The following NTM variants were observed in gnomAD, a reference collection of about 807,000 sequenced individuals.
NTM encodes the protein neurotrimin, also known as IgLON family member 2.
NTM carries 13 observed loss-of-function variants against 42.1 expected under a neutral mutation model. The ratio of observed to expected loss-of-function variants is 0.31; its 90% CI spans 0.20 to 0.49. The LOEUF (loss-of-function observed/expected upper bound fraction) is 0.49, where lower values mean the gene tolerates loss of function less well. Ranked by LOEUF, NTM falls within the 20% of genes least tolerant of loss-of-function variation. The probability of loss-of-function intolerance (pLI) is 0.99; values close to 1 mark genes in which losing one functional copy is unlikely to be tolerated. For synonymous variants in NTM, 187 were observed against 179.2 expected, an observed-to-expected ratio of 1.04 and a Z score of -0.35; for missense variants, 373 against 452.8, an observed-to-expected ratio of 0.82 and a Z score of 1.60.
chr11:131,779,992 A>G (rs955504491), intron 1 of NTM, among the ~76,000 whole-genome samples: 37 of 152,184 alleles, frequency 2.4e-4, no homozygotes, highest in African/African-American at 8.7e-4. Context: ...CCACTCCCCT[A>G]TATCAGAATC....
chr11:131,665,861 C>G (rs574089619), intron 1 of NTM, among the ~76,000 whole-genome samples: 40 of 152,300 alleles, frequency 2.6e-4, no homozygotes, highest in Admixed American at 8.5e-4. Context: ...CATGTTGATC[C>G]CCAGTTTCCT....
At chr11:131,378,427 AGGAAG>A (rs1942244539) in intron 1 of NTM, among the ~76,000 whole-genome samples, 1 of 152,246 alleles carries the variant, frequency 6.6e-6, no homozygotes, top group African/African-American at 2.4e-5. Flanking sequence ...CTCTGCCTGC[AGGAAG>A]GTAAGAATAT....
chr11:131,685,048 G>A (rs1218979664), intron 1 of NTM, among the ~76,000 whole-genome samples: 1 of 152,240 alleles, frequency 6.6e-6, no homozygotes, highest in African/African-American at 2.4e-5. Flanking sequence ...CTCAACCCAA[G>A]AATGAGCTTT....
intron 2 of NTM, among the ~76,000 whole-genome samples, chr11:132,129,918 G>A (rs1244783279): frequency 6.6e-6 from 1 of 152,020 alleles, no homozygotes; most frequent in Non-Finnish European, 1.5e-5. Flanking sequence ...GAGTTTTCTT[G>A]TGCAGTTTTG....
intron 1 of NTM, among the ~76,000 whole-genome samples, chr11:131,414,884 T>C (rs1447290500): frequency 6.6e-6 from 1 of 152,198 alleles, no homozygotes; most frequent in Non-Finnish European, 1.5e-5. Context: ...CAGGGTTGTC[T>C]ATACAGTGCT....
rs182266634 is a variant in NTM, at chr11:131,706,229, A to G, written c.83-205335A>G. ...TAGACTTTAAGTCAAAAATTGTCAGAAGAGACCAAAAAAGGCCATTATAAA... is the reference window on the plus strand; with the variant it reads ...TAGACTTTAAGTCAAAAATTGTCAGGAGAGACCAAAAAAGGCCATTATAAA... On this transcript the variant is annotated intron_variant, in intron 1 of 8. Coordinates refer to ENST00000683400, the MANE Select transcript of NTM (RefSeq NM_001352005.2). 5.8e-4 allele frequency among the ~76,000 whole-genome samples: 89 copies of G among 152,142 alleles called. 1 individual carries two copies. The highest frequency in any genetic ancestry group is 9.6e-4 in the Non-Finnish European group (65 of 67,880).
intron 2 of NTM, among the ~76,000 whole-genome samples, chr11:131,931,368 G>A (rs940131114): frequency 6.6e-6 from 1 of 152,058 alleles, no homozygotes; most frequent in Non-Finnish European, 1.5e-5. Context: ...GAGCCCAGGA[G>A]GTCGAGGCTA....
At chr11:131,746,049 C>A (rs1457819289) in intron 1 of NTM, among the ~76,000 whole-genome samples, 1 of 152,036 alleles carries the variant, frequency 6.6e-6, no homozygotes, top group East Asian at 1.9e-4. Context: ...CAGGGGTGTT[C>A]CCAACCCTCA....
chr11:131,773,193 G>T (rs1300275404), intron 1 of NTM, among the ~76,000 whole-genome samples: 1 of 152,156 alleles, frequency 6.6e-6, no homozygotes, highest in Non-Finnish European at 1.5e-5. Flanking sequence ...GTGGTGCCTT[G>T]TTGCTGTGTC....
At chr11:131,981,938 G>A (rs576936898) in intron 2 of NTM, among the ~76,000 whole-genome samples, 1 of 152,210 alleles carries the variant, frequency 6.6e-6, no homozygotes, top group South Asian at 2.1e-4. Context: ...CTTGAACCTG[G>A]GAGGCGGAAG....
intron 2 of NTM, among the ~76,000 whole-genome samples, chr11:131,997,602 A>C (rs944476691): frequency 1.3e-5 from 2 of 152,166 alleles, no homozygotes; most frequent in Non-Finnish European, 2.9e-5. Flanking sequence ...TTTCTGAACC[A>C]TGTGGAACAC....
intron 1 of NTM, among the ~76,000 whole-genome samples, chr11:131,479,384 G>A (rs938535902): frequency 5.3e-5 from 8 of 152,148 alleles, no homozygotes; most frequent in African/African-American, 1.7e-4. Flanking sequence ...TGAGAGGTTC[G>A]AAGAACTGTT....
intron 1 of NTM, among the ~76,000 whole-genome samples, chr11:131,747,160 G>GA (rs2081928517): frequency 6.6e-6 from 1 of 152,168 alleles, no homozygotes; most frequent in African/African-American, 2.4e-5. Flanking sequence ...GGCACAGATG[G>GA]AAAATGTGCT....
intron 1 of NTM, among the ~76,000 whole-genome samples, chr11:131,574,936 C>T (rs2057790703): frequency 6.6e-6 from 1 of 152,124 alleles, no homozygotes; most frequent in African/African-American, 2.4e-5. Context: ...ATTTGCTTCT[C>T]TCCAAAAAAC....
intron 4 of NTM, among the ~76,000 whole-genome samples, chr11:132,263,533 C>A (rs1591608822): frequency 6.6e-6 from 1 of 152,202 alleles, no homozygotes; most frequent in East Asian, 1.9e-4. Context: ...CTTTTCCAAA[C>A]ATGCTTTTAC....
At chr11:132,162,238 GTGTA>G (rs940136995) in intron 3 of NTM, among the ~76,000 whole-genome samples, 3 of 150,892 alleles carry the variant, frequency 2.0e-5, no homozygotes, top group Non-Finnish European at 4.4e-5. Flanking sequence ...TATGGGGAGT[GTGTA>G]TGTGAGTGTG....
chr11:131,498,243 C>T (rs1485608673), intron 1 of NTM, among the ~76,000 whole-genome samples: 1 of 152,150 alleles, frequency 6.6e-6, no homozygotes, highest in Non-Finnish European at 1.5e-5. Context: ...GGCTCTACCA[C>T]GTACTGGTAA....
chr11:131,413,389 T>C (rs1423280531), intron 1 of NTM, among the ~76,000 whole-genome samples: 1 of 152,226 alleles, frequency 6.6e-6, no homozygotes, highest in Non-Finnish European at 1.5e-5. Flanking sequence ...CCCACTGTGG[T>C]GAAGCCGCCG....
intron 4 of NTM, among the ~76,000 whole-genome samples, chr11:132,249,975 G>C (rs141587773): frequency 6.6e-6 from 1 of 152,060 alleles, no homozygotes. Context: ...CCTTCTTTCT[G>C]TTTATTTCTT....
Sources: allele counts gnomAD v4.1 joint callset (sites outside exome capture counted in the v4.1 genomes callset), GRCh38; gene constraint gnomAD v4.1.1; transcripts MANE v1.5; gene names NCBI Gene and HGNC (gene_info 2026-07-23, HGNC 2026-07-21).